GPC5: variants seen among roughly 807,000 people sequenced by gnomAD.
GPC5 encodes the protein glypican-5.
In GPC5, 47 loss-of-function variants were observed where a neutral mutation model predicts 53.9. The ratio of observed to expected loss-of-function variants is 0.87; its 90% CI spans 0.69 to 1.11. The LOEUF is 1.11. Among genes scored for constraint, GPC5 ranks in the 50% most tolerant of loss-of-function variants. The probability of loss-of-function intolerance (pLI) is 0.00; values close to 1 mark genes in which losing one functional copy is unlikely to be tolerated. For synonymous variants in GPC5, 286 were observed against 263.3 expected (o/e 1.09, Z -0.84); for missense variants, 748 against 713.1 (o/e 1.05, Z -0.56).
chr13:92,861,068 A>G, intron 7 of GPC5, among the ~76,000 whole-genome samples: 1 of 152,178 alleles, frequency 6.6e-6, no homozygotes, highest in East Asian at 1.9e-4. Flanking sequence ...ATATACATGT[A>G]TTTTATTAAA....
At chr13:92,388,195 A>AT (rs1423135572) in intron 7 of GPC5, among the ~76,000 whole-genome samples, 12 of 151,942 alleles carry the variant, frequency 7.9e-5, no homozygotes, top group East Asian at 1.9e-4. Flanking sequence ...ATACTTCGTG[A>AT]TTTTTTCCAT....
chr13:92,618,954 C>T (rs1348698935), intron 7 of GPC5, among the ~76,000 whole-genome samples: 2 of 151,824 alleles, frequency 1.3e-5, no homozygotes, highest in Non-Finnish European at 2.9e-5. Flanking sequence ...TGTTCAGTAA[C>T]CAAAAATAAA....
intron 7 of GPC5, among the ~76,000 whole-genome samples, chr13:92,745,819 T>C (rs1889227155): frequency 6.6e-6 from 1 of 152,166 alleles, no homozygotes; most frequent in African/African-American, 2.4e-5. Context: ...CATCTCTACA[T>C]GGATTCTGTA....
At chr13:92,211,683 T>G (rs1300343810) in intron 7 of GPC5, among the ~76,000 whole-genome samples, 1 of 152,172 alleles carries the variant, frequency 6.6e-6, no homozygotes, top group African/African-American at 2.4e-5. Flanking sequence ...AATCTGCATT[T>G]TAATAAGCCC....
At chr13:91,985,797 G>C (rs1218850892) in intron 6 of GPC5, among the ~76,000 whole-genome samples, 12 of 151,994 alleles carry the variant, frequency 7.9e-5, no homozygotes, top group African/African-American at 2.7e-4. Flanking sequence ...CCCTACAGGG[G>C]AAGCACAGCT....
chr13:92,023,179 T>G (rs2040773079), intron 6 of GPC5, among the ~76,000 whole-genome samples: 1 of 152,136 alleles, frequency 6.6e-6, no homozygotes, highest in Non-Finnish European at 1.5e-5. Context: ...ATATATTTCT[T>G]TCTCAGTTTC....
chr13:91,646,297 C>A (rs774532293), intron 2 of GPC5, among the ~76,000 whole-genome samples: 1 of 151,836 alleles, frequency 6.6e-6, no homozygotes, highest in Non-Finnish European at 1.5e-5. Context: ...GGAAAAGGAA[C>A]CCTTCTTATG....
At chr13:92,705,254 A>G (rs1887910829) in intron 7 of GPC5, among the ~76,000 whole-genome samples, 1 of 152,032 alleles carries the variant, frequency 6.6e-6, no homozygotes, top group Non-Finnish European at 1.5e-5. Context: ...TAAATAATTT[A>G]TTATTTCTAG....
Position 92,710,097 on chromosome 13 carries a change from A to G in GPC5, c.1562-156185A>G, listed in dbSNP as rs561523654. On this transcript the variant is annotated intron_variant, in intron 7 of 7. Transcript: ENST00000377067. ...GAAATAAGTTTCTAGCCTGTACATAAACTTCCAGAATAACTAACTCCAAAC... is the reference window on the plus strand; with the variant it reads ...GAAATAAGTTTCTAGCCTGTACATAGACTTCCAGAATAACTAACTCCAAAC... Among the ~76,000 whole-genome samples the G allele has an allele frequency of 1.1e-3, 160 of 152,334 alleles. 1 individual carries two copies. The highest frequency in any genetic ancestry group is 2.1e-3 in the Non-Finnish European group (142 of 68,026).
intron 7 of GPC5, among the ~76,000 whole-genome samples, chr13:92,428,176 T>C (rs1236432814): frequency 1.3e-5 from 2 of 152,128 alleles, no homozygotes; most frequent in African/African-American, 4.8e-5. Flanking sequence ...CCCCAACCTA[T>C]GGCGGACACA....
chr13:91,946,641 G>A (rs956909958), intron 6 of GPC5, among the ~76,000 whole-genome samples: 1 of 152,160 alleles, frequency 6.6e-6, no homozygotes, highest in African/African-American at 2.4e-5. Flanking sequence ...TTACGTGACA[G>A]CCCCGGTAAG....
intron 6 of GPC5, among the ~76,000 whole-genome samples, chr13:91,928,344 G>A (rs2039788471): frequency 6.6e-6 from 1 of 152,170 alleles, no homozygotes; most frequent in Admixed American, 6.5e-5. Flanking sequence ...AGGTCTCCAT[G>A]GGATGAAGCC....
intron 6 of GPC5, among the ~76,000 whole-genome samples, chr13:92,050,410 T>A (rs548958024): frequency 1.3e-5 from 2 of 152,158 alleles, no homozygotes; most frequent in African/African-American, 4.8e-5. Context: ...AGTGGTTATA[T>A]GGGGATTATC....
chr13:92,451,495 AC>A (rs1247136353), intron 7 of GPC5, among the ~76,000 whole-genome samples: 1 of 152,210 alleles, frequency 6.6e-6, no homozygotes, highest in Non-Finnish European at 1.5e-5. Flanking sequence ...TAAAAAAAAA[AC>A]ACCGAAATAA....
At chr13:91,547,755 A>G (rs755709859) in intron 2 of GPC5, among the ~76,000 whole-genome samples, 4 of 152,182 alleles carry the variant, frequency 2.6e-5, no homozygotes, top group Non-Finnish European at 5.9e-5. Flanking sequence ...TGAATCCAAC[A>G]ATATATAAAA....
chr13:92,018,797 A>G (rs750045118), intron 6 of GPC5, among the ~76,000 whole-genome samples: 80 of 152,212 alleles, frequency 5.3e-4, no homozygotes, highest in Middle Eastern at 6.8e-3. Context: ...TTTCAATAGT[A>G]TATGCCAATA....
chr13:92,207,116 G>A (rs984961636), intron 7 of GPC5, among the ~76,000 whole-genome samples: 23 of 152,208 alleles, frequency 1.5e-4, no homozygotes, highest in African/African-American at 5.3e-4. Context: ...ACCTTGGAAG[G>A]GATATTAGGT....
intron 2 of GPC5, among the ~76,000 whole-genome samples, chr13:91,497,716 A>G (rs1246836938): frequency 1.4e-4 from 21 of 152,242 alleles, no homozygotes; most frequent in Admixed American, 1.4e-3. Context: ...TTTTGGGGTC[A>G]TGCTTGATGG....
intron 2 of GPC5, among the ~76,000 whole-genome samples, chr13:91,600,955 T>G (rs1183673924): frequency 1.3e-5 from 2 of 152,168 alleles, no homozygotes; most frequent in African/African-American, 4.8e-5. Context: ...AGGGGTGACA[T>G]TTATCTTTAT....
Sources: allele counts gnomAD v4.1 joint callset (sites outside exome capture counted in the v4.1 genomes callset), GRCh38; gene constraint gnomAD v4.1.1; transcripts MANE v1.5; gene names NCBI Gene and HGNC (gene_info 2026-07-23, HGNC 2026-07-21).